Variants in PDE1C observed in about 807,000 individuals in gnomAD.
The protein encoded by PDE1C is phosphodiesterase 1C.
Under a neutral mutation model 93.1 loss-of-function variants are expected in PDE1C, and 62 were observed. That is an observed-to-expected ratio of 0.67 (90% CI 0.54 to 0.82). The LOEUF (loss-of-function observed/expected upper bound fraction) is 0.82, where lower values mean the gene tolerates loss of function less well. Ranked by LOEUF, PDE1C falls within the 40% of genes least tolerant of loss-of-function variation. The probability of loss-of-function intolerance (pLI) is 0.00; values close to 1 mark genes in which losing one functional copy is unlikely to be tolerated. For synonymous variants in PDE1C, 325 were observed against 310.1 expected (o/e 1.05, Z -0.50); for missense variants, 742 against 884.6 (o/e 0.84, Z 2.04).
At chr7:32,213,341 C>T (rs1481262665) in intron 1 of PDE1C, among the ~76,000 whole-genome samples, 1 of 152,150 alleles carries the variant, frequency 6.6e-6, no homozygotes, top group Admixed American at 6.5e-5. Flanking sequence ...GATGGTCCCT[C>T]GGTGGCTCTG....
chr7:31,870,592 G>C (rs1421894941), intron 6 of PDE1C, among the ~76,000 whole-genome samples: 1 of 151,962 alleles, frequency 6.6e-6, no homozygotes, highest in Non-Finnish European at 1.5e-5. Context: ...AATGAGTAAT[G>C]AGTTTGAATC....
intron 1 of PDE1C, among the ~76,000 whole-genome samples, chr7:32,221,132 C>T (rs1056399310): frequency 2.6e-5 from 4 of 152,220 alleles, no homozygotes; most frequent in Non-Finnish European, 5.9e-5. Flanking sequence ...CTTCTCCAAA[C>T]TGACAAGCCC....
At chr7:31,924,048 A>T (rs1469549794) in intron 2 of PDE1C, among the ~76,000 whole-genome samples, 3 of 152,160 alleles carry the variant, frequency 2.0e-5, no homozygotes, top group Non-Finnish European at 2.9e-5. Flanking sequence ...TAAAATCCTG[A>T]TGTGAGGTTT....
At position 32,340,844 on chromosome 7, in the gene PDE1C, C is replaced by T. The variant is rs372260461; in HGVS notation, c.310+86978G>A. On this transcript the variant is annotated intron_variant, in intron 1 of 1. Transcript: ENST00000672256. ...TGGTTAGTAAGGGTTGGGGTGGAAA[C>T]GGGAGAAGAAGGGATGAATAGATGG... Among the ~76,000 whole-genome samples the T allele has an allele frequency of 9.2e-5, 14 of 152,000 alleles. 1 individual carries two copies. Among genetic ancestry groups the T allele is most frequent in the East Asian group, 1.9e-4 (1 of 5,166 alleles).
At chr7:31,913,748 A>G (rs1271694001) in intron 2 of PDE1C, among the ~76,000 whole-genome samples, 6 of 152,224 alleles carry the variant, frequency 3.9e-5, no homozygotes, top group Non-Finnish European at 8.8e-5. Context: ...GTGCAAACTT[A>G]TATTTGTCCT....
downstream of PDE1C, among the ~76,000 whole-genome samples, chr7:31,746,512 C>G (rs1794010268): frequency 6.6e-6 from 1 of 152,154 alleles, no homozygotes; most frequent in African/African-American, 2.4e-5. Flanking sequence ...TGCATAGATT[C>G]AGAAAGTTCA....
the PDE1C span, among the ~76,000 whole-genome samples, chr7:31,649,226 C>G: frequency 6.6e-6 from 1 of 152,188 alleles, no homozygotes; most frequent in African/African-American, 2.4e-5. Flanking sequence ...GAAAGTATTT[C>G]CATTATGACA....
intron 2 of PDE1C, among the ~76,000 whole-genome samples, chr7:32,044,617 G>T (rs1792275896): frequency 6.6e-6 from 1 of 152,140 alleles, no homozygotes; most frequent in Non-Finnish European, 1.5e-5. Context: ...TAAGAGACAG[G>T]TGATGAGACT....
At chr7:31,921,597 G>C (rs1332854566) in intron 2 of PDE1C, among the ~76,000 whole-genome samples, 1 of 152,108 alleles carries the variant, frequency 6.6e-6, no homozygotes, top group Non-Finnish European at 1.5e-5. Flanking sequence ...ATCATCTCCT[G>C]CTGAAAATAA....
intron 17 of PDE1C, among the ~76,000 whole-genome samples, chr7:31,753,877 A>G (rs1429114242): frequency 6.6e-6 from 1 of 152,244 alleles, no homozygotes; most frequent in East Asian, 1.9e-4. Context: ...CAGCAAAGCA[A>G]ACAAGGTGAA....
chr7:32,080,513 T>G (rs887145196), intron 3 of PDE1C, among the ~76,000 whole-genome samples: 7 of 152,218 alleles, frequency 4.6e-5, no homozygotes, highest in Admixed American at 6.5e-5. Flanking sequence ...CAAAAAGCAC[T>G]GACCAGAGTT....
chr7:32,316,849 T>C (rs1159117613), intron 1 of PDE1C, among the ~76,000 whole-genome samples: 3 of 152,264 alleles, frequency 2.0e-5, no homozygotes, highest in African/African-American at 7.2e-5. Flanking sequence ...GATAAATTCT[T>C]GCACATGCAT....
At chr7:32,257,043 A>G (rs755554560) in intron 1 of PDE1C, among the ~76,000 whole-genome samples, 1 of 152,194 alleles carries the variant, frequency 6.6e-6, no homozygotes, top group Non-Finnish European at 1.5e-5. Context: ...AGCATATTTC[A>G]TGCATCAGGC....
At chr7:32,075,720 A>C (rs1371619738), upstream of PDE1C, among the ~76,000 whole-genome samples, 7 of 152,254 alleles carry the variant, frequency 4.6e-5, no homozygotes, top group East Asian at 1.4e-3. Flanking sequence ...CAGAGAAGTG[A>C]GAAGACAAAG....
chr7:31,737,255 AGGT>A, the PDE1C span, among the ~76,000 whole-genome samples: 6 of 152,078 alleles, frequency 3.9e-5, no homozygotes, highest in Non-Finnish European at 8.8e-5. Flanking sequence ...CTTGCATTAC[AGGT>A]GTGAGCCACC....
chr7:31,821,418 A>G (rs923263179), intron 14 of PDE1C, among the ~76,000 whole-genome samples: 58 of 152,312 alleles, frequency 3.8e-4, no homozygotes, highest in African/African-American at 1.3e-3. Flanking sequence ...ATTGCAAACA[A>G]ATTATTTTGA....
the PDE1C span, among the ~76,000 whole-genome samples, chr7:31,701,331 G>A: frequency 6.6e-6 from 1 of 152,154 alleles, no homozygotes; most frequent in Non-Finnish European, 1.5e-5. Context: ...GGTAGAAATA[G>A]CAAGAGAATT....
At chr7:32,346,528 C>G (rs1783855702) in intron 1 of PDE1C, among the ~76,000 whole-genome samples, 1 of 152,184 alleles carries the variant, frequency 6.6e-6, no homozygotes, top group African/African-American at 2.4e-5. Context: ...CTACACTCAC[C>G]TTGAGACTAT....
chr7:31,673,628 G>A, the PDE1C span, among the ~76,000 whole-genome samples: 4 of 150,832 alleles, frequency 2.7e-5, no homozygotes, highest in Non-Finnish European at 5.9e-5. Context: ...ATATTTTCTT[G>A]TGGTAATTTT....
Sources: allele counts gnomAD v4.1 joint callset (sites outside exome capture counted in the v4.1 genomes callset), GRCh38; gene constraint gnomAD v4.1.1; transcripts MANE v1.5; gene names NCBI Gene and HGNC (gene_info 2026-07-23, HGNC 2026-07-21).